Variants in PEAK1 observed in about 807,000 individuals in gnomAD.
PEAK1 encodes inactive tyrosine-protein kinase PEAK1.
Under a neutral mutation model 124.7 loss-of-function variants are expected in PEAK1, and 54 were observed. That is an observed-to-expected ratio of 0.43 (90% CI 0.35 to 0.54). The LOEUF is 0.54. Among genes scored for constraint, PEAK1 ranks in the 20% least tolerant of loss-of-function variants. The pLI is 0.01. For synonymous variants in PEAK1, 719 were observed against 760.0 expected, an observed-to-expected ratio of 0.95 and a Z score of 0.89; for missense variants, 2,046 against 2,134.5, an observed-to-expected ratio of 0.96 and a Z score of 0.82.
At chr15:77,407,159 T>C (rs2071895149) in intron 1 of PEAK1, among the ~76,000 whole-genome samples, 3 of 152,090 alleles carry the variant, frequency 2.0e-5, no homozygotes, top group Admixed American at 2.0e-4. Context: ...CCTGAAACGA[T>C]AAAAATTCTA....
intron 6 of PEAK1, among the ~76,000 whole-genome samples, chr15:77,183,313 C>T (rs765442785): frequency 1.3e-5 from 2 of 152,174 alleles, no homozygotes; most frequent in Non-Finnish European, 2.9e-5. Flanking sequence ...GTGTGACACA[C>T]AGACTGTATG....
chr15:77,247,485 CTTTTTTT>C (rs398028029), intron 6 of PEAK1, among the ~76,000 whole-genome samples: 1 of 84,298 alleles, frequency 1.2e-5, no homozygotes, highest in Admixed American at 1.8e-4. Flanking sequence ...CTTTTCTTTT[CTTTTTTT>C]TTTTTTTTTT....
At chr15:77,189,439 A>ACAGCAGCAGCAGCAG (rs145143746) in intron 6 of PEAK1, among the ~76,000 whole-genome samples, 2 of 151,502 alleles carry the variant, frequency 1.3e-5, no homozygotes, top group East Asian at 3.9e-4. Context: ...GACAGTCCAC[A>ACAGCAGCAGCAGCAG]CAGCAGCAGC....
chr15:77,135,317 T>G (rs1355733959), intron 8 of PEAK1, among the ~76,000 whole-genome samples: 1 of 152,222 alleles, frequency 6.6e-6, no homozygotes, highest in Non-Finnish European at 1.5e-5. Flanking sequence ...TTGCAGCATG[T>G]CAACGGTAAG....
At chr15:77,155,618 T>G (rs1187158240) in intron 8 of PEAK1, 1 of 152,216 alleles carries the variant, frequency 6.6e-6, no homozygotes, top group Non-Finnish European at 1.5e-5. Flanking sequence ...TGTGGTTTTA[T>G]CTACTTTTGG....
upstream of PEAK1, chr15:77,420,820 T>C: frequency 2.5e-6 from 1 of 398,354 alleles, no homozygotes; most frequent in Non-Finnish European, 4.4e-6. Context: ...TGTGGAAAGG[T>C]GGTTAAGAGA....
intron 1 of PEAK1, chr15:77,404,679 C>T (rs940292743): frequency 4.2e-6 from 4 of 952,964 alleles, no homozygotes; most frequent in Admixed American, 6.2e-5. Flanking sequence ...AAAGAGTCTG[C>T]TGTACTAATA....
At chr15:77,257,905 T>C (rs980988671) in intron 5 of PEAK1, among the ~76,000 whole-genome samples, 38 of 152,334 alleles carry the variant, frequency 2.5e-4, no homozygotes, top group African/African-American at 8.7e-4. Flanking sequence ...GATTTTTGTA[T>C]AAGGTGTAAG....
chr15:77,327,477 T>C (rs914543780), intron 2 of PEAK1, among the ~76,000 whole-genome samples: 20 of 152,076 alleles, frequency 1.3e-4, no homozygotes, highest in Admixed American at 3.9e-4. Context: ...ACACTCATAT[T>C]TCATGTAAAT....
chr15:77,367,028 G>C (rs950523379), intron 1 of PEAK1, among the ~76,000 whole-genome samples: 1 of 152,148 alleles, frequency 6.6e-6, no homozygotes, highest in African/African-American at 2.4e-5. Context: ...CATCTACTCA[G>C]GAGGCTGAGG....
At chr15:77,261,492 C>T (rs889508983) in intron 5 of PEAK1, among the ~76,000 whole-genome samples, 4 of 151,734 alleles carry the variant, frequency 2.6e-5, no homozygotes, top group Non-Finnish European at 4.4e-5. Context: ...CCTCAGCAGC[C>T]GATTCGATCA....
At chr15:77,308,436 T>C (rs2064232584) in intron 2 of PEAK1, among the ~76,000 whole-genome samples, 1 of 152,088 alleles carries the variant, frequency 6.6e-6, no homozygotes, top group Non-Finnish European at 1.5e-5. Flanking sequence ...CCTTTTCCTC[T>C]GTGCTTTACT....
rs200099204 is a variant in PEAK1, at chr15:77,199,889, A to AT, written c.-114-17850dup. Among the ~76,000 whole-genome samples the AT allele has an allele frequency of 2.9e-4, 44 of 152,330 alleles. 1 individual carries two copies. In the East Asian group the frequency reaches 8.3e-3, roughly 29 times the overall value. ...AGGATTCTGACGATTCAAGACTGCT[A>AT]TTGACTTCTTTTACAACATGGACCC... is the stretch of plus-strand genomic sequence containing the variant. On this transcript the variant is annotated intron_variant, in intron 6 of 9. Coordinates refer to ENST00000682557, the MANE Select transcript of PEAK1 (RefSeq NM_001385026.1).
At chr15:77,345,075 T>C (rs1221352619) in intron 2 of PEAK1, among the ~76,000 whole-genome samples, 1 of 138,874 alleles carries the variant, frequency 7.2e-6, no homozygotes, top group Non-Finnish European at 1.7e-5. Flanking sequence ...AATACGATGG[T>C]GAATATAAGT....
intron 8 of PEAK1, among the ~76,000 whole-genome samples, chr15:77,140,105 A>C (rs892884266): frequency 9.2e-5 from 14 of 152,174 alleles, no homozygotes; most frequent in Non-Finnish European, 1.9e-4. Context: ...GTATTTTAAA[A>C]AATTCCCACA....
intron 1 of PEAK1, chr15:77,371,153 G>GA: frequency 1.0e-6 from 1 of 970,624 alleles, no homozygotes; most frequent in Non-Finnish European, 1.2e-6. Context: ...CAAAAGGGCT[G>GA]AAAGTAAAAA....
In PEAK1 at chr15:77,179,770, TG is replaced by T. The variant is rs1301037802; in HGVS notation, c.2156del (p.Ser719TyrfsTer27). The T allele has an allele frequency of 6.2e-7, 1 of 1,614,024 alleles. No homozygotes were observed. Among genetic ancestry groups the T allele is most frequent in the Non-Finnish European group, 8.5e-7 (1 of 1,180,024 alleles). On this transcript the variant is annotated frameshift_variant, in exon 7 of 10. Coordinates refer to ENST00000682557, the MANE Select transcript of PEAK1 (RefSeq NM_001385026.1). LOFTEE classifies it high-confidence loss of function. ...FNNCLNRGQSSPQRSYSSSHS... is the reference protein window; with the variant it reads ...FNNCLNRGQSXPQRSYSSSHS... Reference sequence around the variant, plus strand: ...GGCTGGAACTATAGCTTCTCTGTGGTGAAGACTGACCTCTGTTGAGACAGTT... The same window carrying T: ...GGCTGGAACTATAGCTTCTCTGTGGTAAGACTGACCTCTGTTGAGACAGTT...
At chr15:77,157,268 T>G (rs1368139836) in intron 8 of PEAK1, 1 of 152,246 alleles carries the variant, frequency 6.6e-6, no homozygotes, top group Non-Finnish European at 1.5e-5. Context: ...TAGATGCCAC[T>G]GGTTTCCAAA....
chr15:77,106,962 C>G (rs1403251259), downstream of PEAK1: 2 of 152,110 alleles, frequency 1.3e-5, no homozygotes, highest in African/African-American at 4.8e-5. Context: ...GGGCAGTGGC[C>G]CCTTCAGCTT....
Sources: gnomAD v4.1 joint callset for allele counts (sites outside exome capture counted in the v4.1 genomes callset) on GRCh38, gnomAD v4.1.1 for gene constraint, MANE v1.5 for transcripts, NCBI Gene and HGNC (gene_info 2026-07-23, HGNC 2026-07-21) for gene names.